DESI2: variants seen among roughly 807,000 people sequenced by gnomAD.
DESI2 encodes the protein deubiquitinase DESI2.
A neutral mutation model predicts 24.1 loss-of-function variants in DESI2; 10 were observed. The observed-to-expected ratio is 0.41, with a 90% confidence interval of 0.26 to 0.70. The LOEUF (loss-of-function observed/expected upper bound fraction) is 0.70, where lower values mean the gene tolerates loss of function less well. Ranked by LOEUF, DESI2 falls within the 30% of genes least tolerant of loss-of-function variation. DESI2 has a pLI of 0.29. For missense variants in DESI2, 122 were observed against 234.9 expected, an observed-to-expected ratio of 0.52 and a Z score of 3.14; for synonymous variants, 71 against 87.7, an observed-to-expected ratio of 0.81 and a Z score of 1.06.
At chr1:244,693,961 G>A (rs1157698976) in intron 4 of DESI2, among the ~76,000 whole-genome samples, 1 of 152,164 alleles carries the variant, frequency 6.6e-6, no homozygotes, top group Non-Finnish European at 1.5e-5. Flanking sequence ...CCCATATAAC[G>A]AAGACAAGCA....
At chr1:244,662,736 G>C (rs1353248117) in intron 1 of DESI2, among the ~76,000 whole-genome samples, 1 of 152,060 alleles carries the variant, frequency 6.6e-6, no homozygotes, top group Non-Finnish European at 1.5e-5. Flanking sequence ...AAAGAGAGTG[G>C]TCAAGAAAGG....
intron 1 of DESI2, among the ~76,000 whole-genome samples, chr1:244,667,274 TC>T (rs1394922294): frequency 3.9e-5 from 6 of 152,110 alleles, no homozygotes; most frequent in Non-Finnish European, 8.8e-5. Context: ...GCTAGCTACT[TC>T]CTAGATATAA....
At chr1:244,671,489 T>A (rs1489199316) in intron 1 of DESI2, among the ~76,000 whole-genome samples, 2 of 152,224 alleles carry the variant, frequency 1.3e-5, no homozygotes, top group Non-Finnish European at 2.9e-5. Context: ...TAATACTAAC[T>A]GTACTCTTAT....
chr1:244,696,233 T>C (rs1242054310), intron 4 of DESI2, among the ~76,000 whole-genome samples: 2 of 152,232 alleles, frequency 1.3e-5, no homozygotes, highest in Non-Finnish European at 2.9e-5. Flanking sequence ...AACGTTCAGA[T>C]TTCCCCAGTT....
At chr1:244,653,634 C>T in intron 1 of DESI2, 1 of 519,998 alleles carries the variant, frequency 1.9e-6, no homozygotes, top group Non-Finnish European at 3.4e-6. Context: ...CGGCTCTGGG[C>T]CCGACCCCTT....
At chr1:244,705,384 G>C (rs1310654071) in intron 4 of DESI2, among the ~76,000 whole-genome samples, 172 bp from the exon 5 acceptor site, 1 of 152,122 alleles carries the variant, frequency 6.6e-6, no homozygotes, top group African/African-American at 2.4e-5. Context: ...AGGGAGCCCA[G>C]GTCCTGAGTA....
chr1:244,704,008 G>C (rs551404766), intron 4 of DESI2, among the ~76,000 whole-genome samples: 4 of 152,274 alleles, frequency 2.6e-5, no homozygotes, highest in African/African-American at 9.6e-5. Context: ...AGTGTGATAG[G>C]TGCTTGGTAA....
intron 4 of DESI2, 97 bp from the exon 5 acceptor site, chr1:244,705,459 T>C: frequency 2.0e-6 from 2 of 986,770 alleles, no homozygotes; most frequent in South Asian, 1.4e-5. Context: ...GTGGCTTCTC[T>C]GTACGCCGCC....
chr1:244,685,944 A>G (rs565535987), intron 1 of DESI2, among the ~76,000 whole-genome samples: 21 of 152,124 alleles, frequency 1.4e-4, no homozygotes, highest in African/African-American at 5.1e-4. Context: ...GTCCATCCCC[A>G]TGGGCCCCAT....
intron 1 of DESI2, among the ~76,000 whole-genome samples, chr1:244,672,438 C>A (rs958760048): frequency 1.3e-5 from 2 of 152,204 alleles, no homozygotes; most frequent in Non-Finnish European, 2.9e-5. Flanking sequence ...ATGCTGGAGC[C>A]ATGCTTGTAC....
intron 1 of DESI2, among the ~76,000 whole-genome samples, chr1:244,654,910 C>T (rs1019880232): frequency 3.9e-5 from 6 of 152,106 alleles, no homozygotes; most frequent in Non-Finnish European, 5.9e-5. Context: ...ATTAAACAAA[C>T]CCGTATTTAA....
chr1:244,705,831 GA>G lies in DESI2; in HGVS notation c.*44del, dbSNP rs776474617. On this transcript the variant is annotated 3_prime_UTR_variant, in exon 5 of 5. Coordinates refer to ENST00000302550, the MANE Select transcript of DESI2 (RefSeq NM_016076.5). ...ACATTCAGAACTGTCTCTGGCAGTC[GA>G]ATATCACTAGAGAAAAGTAAACAGA... 4 of 1,398,546 alleles carry G rather than the reference GA, an allele frequency of 2.9e-6. No homozygotes were observed. The highest frequency in any genetic ancestry group is 4.0e-6 in the Non-Finnish European group (4 of 1,007,466). 86.6% of individuals were successfully genotyped at this position (1,398,546 alleles called of 1,614,324 possible).
intron 1 of DESI2, among the ~76,000 whole-genome samples, chr1:244,657,224 T>C (rs1675679150): frequency 6.6e-6 from 1 of 152,164 alleles, no homozygotes; most frequent in Non-Finnish European, 1.5e-5. Flanking sequence ...TCCAACAGGG[T>C]GTCAGGTCAG....
chr1:244,659,806 A>C (rs1675776468), intron 1 of DESI2, among the ~76,000 whole-genome samples: 1 of 152,236 alleles, frequency 6.6e-6, no homozygotes, highest in Non-Finnish European at 1.5e-5. Context: ...ATTCTGCCAC[A>C]GTGCCATCTA....
chr1:244,653,500 G>A, intron 1 of DESI2, 145 bp downstream of exon 1: 1 of 764,554 alleles, frequency 1.3e-6, no homozygotes, highest in Non-Finnish European at 2.0e-6. Context: ...GTGAAGGAGG[G>A]AGTATTGTTA....
chr1:244,696,528 G>A (rs540665464), intron 4 of DESI2, among the ~76,000 whole-genome samples: 1 of 152,316 alleles, frequency 6.6e-6, no homozygotes, highest in Admixed American at 6.5e-5. Flanking sequence ...GCTGAGGTAG[G>A]AGGATGGCTT....
At chr1:244,655,197 A>G (rs1450697550) in intron 1 of DESI2, among the ~76,000 whole-genome samples, 1 of 152,196 alleles carries the variant, frequency 6.6e-6, no homozygotes, top group African/African-American at 2.4e-5. Flanking sequence ...TCTTCACATC[A>G]AGTTTGTAAA....
At chr1:244,676,769 C>T (rs1573199450) in intron 1 of DESI2, among the ~76,000 whole-genome samples, 1 of 147,198 alleles carries the variant, frequency 6.8e-6, no homozygotes, top group Non-Finnish European at 1.5e-5. Context: ...AAAATATATA[C>T]AATGTATATT....
At position 244,689,300 on chromosome 1, in the gene DESI2, C is replaced by G. The variant is rs759987328; in HGVS notation, c.167C>G (p.Ser56Cys). The G allele has an allele frequency of 1.2e-5, 19 of 1,590,540 alleles. No homozygotes were observed. Among genetic ancestry groups the G allele is most frequent in the Non-Finnish European group, 8.6e-7 (1 of 1,159,080 alleles). Residue 56 changes from serine to cysteine, a missense_variant, in exon 3 of 5, where the codon TCC (serine) becomes TGC (cysteine). Ser to Cys is a moderately radical substitution (Grantham distance 112). This residue lies in a region of DESI2 where 16 missense variants were observed against 65.7 expected (regional missense o/e 0.24). Transcript: ENST00000302550. This position sits in a 1 kb window ranked among gnomAD's most constrained non-coding sequence, Gnocchi z 4.0. Reference protein sequence around the residue: ...PYPFSGIFEISPGNASELGET... With the variant: ...PYPFSGIFEICPGNASELGET... Reference sequence around the variant, plus strand: ...CCCTTTTCTGGAATATTTGAAATTTCCCCAGGAAATGCTTCTGAACTAGGA... The same window carrying G: ...CCCTTTTCTGGAATATTTGAAATTTGCCCAGGAAATGCTTCTGAACTAGGA...
Sources: allele counts gnomAD v4.1 joint callset (sites outside exome capture counted in the v4.1 genomes callset), GRCh38; gene constraint gnomAD v4.1.1; regional missense constraint gnomAD v4.1.1; non-coding constraint Gnocchi (gnomAD v3.1); transcripts MANE v1.5; gene names NCBI Gene and HGNC (gene_info 2026-07-23, HGNC 2026-07-21).